Variants in SFI1 observed in about 807,000 individuals in gnomAD.
SFI1 encodes the protein protein SFI1 homolog.
Under a neutral mutation model 207.5 loss-of-function variants are expected in SFI1, and 195 were observed. That is an observed-to-expected ratio of 0.94 (90% confidence interval 0.84 to 1.06). The LOEUF is 1.06. Among genes scored for constraint, SFI1 ranks in the 50% least tolerant of loss-of-function variants. The pLI is 0.00. For synonymous variants in SFI1, 630 were observed against 598.9 expected, an observed-to-expected ratio of 1.05 and a Z score of -0.76; for missense variants, 1,634 against 1,588.0, an observed-to-expected ratio of 1.03 and a Z score of -0.49.
intron 31 of SFI1, among the ~76,000 whole-genome samples, chr22:31,617,801 A>G (rs1200881586): frequency 1.3e-5 from 2 of 152,024 alleles, no homozygotes; most frequent in Non-Finnish European, 2.9e-5. Flanking sequence ...ACATGCAGCA[A>G]CCTCAGAGCT....
chr22:31,586,114 C>T (rs1427280228), intron 14 of SFI1, among the ~76,000 whole-genome samples: 3 of 152,114 alleles, frequency 2.0e-5, no homozygotes, highest in Admixed American at 2.0e-4. Flanking sequence ...TCTGTTCCTT[C>T]ACAACTGCAC....
At chr22:31,574,217 C>T (rs1034434245) in intron 9 of SFI1, among the ~76,000 whole-genome samples, 2 of 152,324 alleles carry the variant, frequency 1.3e-5, no homozygotes, top group East Asian at 1.9e-4. Flanking sequence ...AAATCTCTTA[C>T]GCTGCCAACA....
At chr22:31,573,380 C>G (rs1006072395) in intron 9 of SFI1, among the ~76,000 whole-genome samples, 166 bp downstream of exon 9, 1 of 151,704 alleles carries the variant, frequency 6.6e-6, no homozygotes, top group Non-Finnish European at 1.5e-5. Flanking sequence ...ACATTTATTT[C>G]TCTTTGGGCT....
At position 31,618,492 on chromosome 22, in the gene SFI1, T is replaced by TTTAAG. The variant is rs1284253499; in HGVS notation, c.*77_*81dup. The TTTAAG allele has an allele frequency of 3.1e-5, 42 of 1,345,480 alleles. No homozygotes were observed. The highest frequency in any genetic ancestry group is 3.9e-5 in the Non-Finnish European group (40 of 1,029,074). 83.3% of individuals were successfully genotyped at this position (1,345,480 alleles called of 1,614,324 possible). On this transcript the variant is annotated 3_prime_UTR_variant, in exon 33 of 33. Transcript: ENST00000400288. ...GCCACCTCCAGGAACAGAACACAGTTTTAAGTTTGATTTTTTTTATTTCAA... is the reference window on the plus strand; with the variant it reads ...GCCACCTCCAGGAACAGAACACAGTTTTAAGTTAAGTTTGATTTTTTTTATTTCAA...
rs1602403884 is a variant in SFI1 at position 31,542,489 on chromosome 22, A to G, written c.339-4372A>G. On this transcript the variant is annotated intron_variant, in intron 4 of 32. Transcript: ENST00000400288. ...CTAAAAATACAAAAATTAGCTGGGC[A>G]TGGTGGTGTATGTCTGTAATCCCAG... Among the ~76,000 whole-genome samples, 3 of 151,942 alleles carry G rather than the reference A, an allele frequency of 2.0e-5. No homozygotes were observed. The East Asian group carries it at 5.9e-4, about 30-fold the overall frequency.
At chr22:31,515,613 G>A (rs113857980) in intron 2 of SFI1, among the ~76,000 whole-genome samples, 4 of 151,956 alleles carry the variant, frequency 2.6e-5, no homozygotes, top group African/African-American at 7.2e-5. Context: ...TTGAACTCCA[G>A]AGCTCAAGTG....
Position 31,605,107 on chromosome 22 carries a change from G to A in SFI1, c.2054+162G>A, listed in dbSNP as rs116845097. 1,639 of 604,780 alleles carry A rather than the reference G, an allele frequency of 2.7e-3. 43 individuals are homozygous for A. The Admixed American group carries it at 0.035, about 13-fold the overall frequency. The allele number at this position is 604,780 out of a possible 1,614,324, so 37.5% of individuals were successfully genotyped here. On this transcript the variant is annotated intron_variant, in intron 20 of 32. Transcript: ENST00000400288. Reference sequence around the variant, plus strand: ...GCTTTTCCACTTCACTCACGGGTTCGCCTTCATGTCTTAAGCCCCTGCTGT... The same window carrying A: ...GCTTTTCCACTTCACTCACGGGTTCACCTTCATGTCTTAAGCCCCTGCTGT...
chr22:31,574,046 T>C (rs1195860439), intron 9 of SFI1, among the ~76,000 whole-genome samples: 1 of 152,226 alleles, frequency 6.6e-6, no homozygotes, highest in African/African-American at 2.4e-5. Context: ...ACTGTTTATA[T>C]GGTTTTGTTT....
intron 29 of SFI1, 111 bp from the exon 30 acceptor site, chr22:31,616,634 G>A: frequency 2.5e-6 from 3 of 1,197,892 alleles, no homozygotes; most frequent in Non-Finnish European, 3.5e-6. Context: ...GCAGCTGGGA[G>A]CCTGGTCTTC....
intron 2 of SFI1, among the ~76,000 whole-genome samples, chr22:31,518,840 C>T (rs2056856223): frequency 1.3e-5 from 2 of 152,172 alleles, no homozygotes; most frequent in African/African-American, 4.8e-5. Flanking sequence ...ACCTGTCTGA[C>T]CAGCCCTCAG....
chr22:31,613,998 C>T lies in SFI1; in HGVS notation c.2996+143C>T, dbSNP rs73160679. On this transcript the variant is annotated intron_variant, in intron 27 of 32. Coordinates refer to ENST00000400288, the MANE Select transcript of SFI1 (RefSeq NM_001007467.3). The stretch of plus-strand genomic sequence containing the variant: ...GCTGAGCTGCTGGGAACCCCCTCTT[C>T]TCCAGCCAGATCCCATCCCTCCCAC... 9.1e-3 allele frequency: 10,551 copies of T among 1,153,456 alleles called. 55 individuals are homozygous for T. Among genetic ancestry groups the T allele is most frequent in the Non-Finnish European group, 0.011 (9,113 of 853,634 alleles). 71.5% of individuals were successfully genotyped at this position (1,153,456 alleles called of 1,614,324 possible).
chr22:31,552,623 C>T (rs536427729), intron 6 of SFI1, among the ~76,000 whole-genome samples: 1 of 152,228 alleles, frequency 6.6e-6, no homozygotes, highest in South Asian at 2.1e-4. Context: ...GAGAATAGTG[C>T]TGCAGTGAAC....
In SFI1 at chr22:31,602,708, C is replaced by T; in HGVS notation, c.1728C>T (p.Ala576=). The part of the protein sequence containing the change: ...RHQEQEWQTV[A]CAHHRHGRLK... ...AGGAGCAGGAGTGGCAAACAGTGGC[C>T]TGTGCCCACCACCGCCACGGGCGGC... is the stretch of plus-strand genomic sequence containing the variant. Residue 576 remains alanine, a synonymous_variant, in exon 17 of 33, where the codon GCC becomes GCT. Transcript: ENST00000400288. The T allele has an allele frequency of 6.2e-7, 1 of 1,614,038 alleles. No individual in the cohort carries two copies. The highest frequency in any genetic ancestry group is 8.5e-7 in the Non-Finnish European group (1 of 1,180,042).
intron 4 of SFI1, among the ~76,000 whole-genome samples, chr22:31,540,807 G>A (rs1400055641): frequency 6.7e-6 from 1 of 150,148 alleles, no homozygotes; most frequent in African/African-American, 2.5e-5. Flanking sequence ...GTCTCGGACT[G>A]CCCTCAAGTG....
chr22:31,582,183 C>T (rs1407830096), intron 12 of SFI1, among the ~76,000 whole-genome samples: 1 of 109,486 alleles, frequency 9.1e-6, no homozygotes, highest in Non-Finnish European at 1.8e-5. Flanking sequence ...TTCCTTCCCC[C>T]AACAACACTT....
At chr22:31,611,634 C>CCCTGGCACCATCCAT (rs2070162889) in intron 23 of SFI1, 132 bp from the exon 24 acceptor site, 1 of 930,264 alleles carries the variant, frequency 1.1e-6, no homozygotes, top group Admixed American at 2.5e-5. Context: ...TGCAGGAGAC[C>CCCTGGCACCATCCAT]CCTGGCACCA....
rs745588190 is a variant in SFI1, at chr22:31,613,496, C to G, written c.2708C>G (p.Ser903Cys). 1 of 1,594,088 alleles carries G rather than the reference C, an allele frequency of 6.3e-7. No individual in the cohort carries two copies. The highest frequency in any genetic ancestry group is 1.1e-5 in the South Asian group (1 of 88,752). The change falls in exon 26 of 33, where the codon TCC becomes TGC. Residue 903 changes from serine to cysteine, a missense_variant. By Grantham distance (112) the Ser-to-Cys change is moderately radical (BLOSUM62 -1). Transcript: ENST00000400288. ...LLRFAASMKA[S>C]RQQLQAQQQV... Reference sequence around the variant, plus strand: ...CGCTTTGCAGCCAGCATGAAGGCCTCCCGGCAGCAGCTGCAGGCCCAGCAG... The same window carrying G: ...CGCTTTGCAGCCAGCATGAAGGCCTGCCGGCAGCAGCTGCAGGCCCAGCAG...
At chr22:31,534,234 C>G (rs1261163438) in intron 4 of SFI1, among the ~76,000 whole-genome samples, 1 of 152,176 alleles carries the variant, frequency 6.6e-6, no homozygotes, top group Non-Finnish European at 1.5e-5. Context: ...CTCAGGTGAT[C>G]TACCCACCTC....
At chr22:31,533,083 G>T (rs773203375) in intron 4 of SFI1, among the ~76,000 whole-genome samples, 1 of 152,134 alleles carries the variant, frequency 6.6e-6, no homozygotes, top group South Asian at 2.1e-4. Flanking sequence ...AGTCCCTCTC[G>T]GGCTCCTTCA....
Sources: gnomAD v4.1 joint callset for allele counts (sites outside exome capture counted in the v4.1 genomes callset) on GRCh38, gnomAD v4.1.1 for gene constraint, MANE v1.5 for transcripts, NCBI Gene and HGNC (gene_info 2026-07-23, HGNC 2026-07-21) for gene names.